The following SRD5A2 variants were observed in gnomAD, a reference collection of about 807,000 sequenced individuals.
SRD5A2 encodes the protein steroid 5 alpha-reductase 2.
A neutral mutation model predicts 27.4 loss-of-function variants in SRD5A2; 30 were observed. The observed-to-expected ratio is 1.10, with a 90% CI of 0.82 to 1.49. SRD5A2 has a LOEUF of 1.49. SRD5A2 is among the 40% of genes most tolerant of loss of function. SRD5A2 has a pLI of 0.00. For missense variants in SRD5A2, 348 were observed against 323.4 expected (o/e 1.08, Z -0.58); for synonymous variants, 141 against 133.6 (o/e 1.06, Z -0.38).
chr2:31,560,554 C>T (rs148678260), intron 1 of SRD5A2, among the ~76,000 whole-genome samples: 4 of 152,326 alleles, frequency 2.6e-5, no homozygotes, highest in African/African-American at 9.6e-5. Context: ...CAATGCTTTG[C>T]CCAATATAGG....
At chr2:31,650,747 G>A in the SRD5A2 span, among the ~76,000 whole-genome samples, 8 of 152,170 alleles carry the variant, frequency 5.3e-5, no homozygotes, top group African/African-American at 1.9e-4. Context: ...CAAGATGGAA[G>A]CCTCAAAGAA....
intron 1 of SRD5A2, among the ~76,000 whole-genome samples, chr2:31,549,199 G>A (rs534862131): frequency 3.4e-4 from 51 of 150,994 alleles, no homozygotes; most frequent in African/African-American, 1.1e-3. Flanking sequence ...TGCAACCGCC[G>A]CCTCCCAGGT....
At chr2:31,629,184 A>T in the SRD5A2 span, among the ~76,000 whole-genome samples, 28 of 152,262 alleles carry the variant, frequency 1.8e-4, 1 homozygote, top group East Asian at 3.1e-3. Flanking sequence ...AACACTAGTC[A>T]CTGGGTTCCA....
At chr2:31,652,724 T>C in the SRD5A2 span, among the ~76,000 whole-genome samples, 31 of 152,226 alleles carry the variant, frequency 2.0e-4, no homozygotes, top group South Asian at 5.8e-3. Flanking sequence ...GGAGAATACA[T>C]CCAGAAGTGC....
chr2:31,556,425 A>G (rs1391297452), intron 1 of SRD5A2, among the ~76,000 whole-genome samples: 1 of 152,214 alleles, frequency 6.6e-6, no homozygotes, highest in Non-Finnish European at 1.5e-5. Context: ...AAAAGTGAAT[A>G]TTATCTTCTA....
At chr2:31,633,886 T>C in the SRD5A2 span, among the ~76,000 whole-genome samples, 2 of 152,166 alleles carry the variant, frequency 1.3e-5, no homozygotes, top group Non-Finnish European at 2.9e-5. Context: ...GAGAGCTCAC[T>C]AAAATGTTAA....
the SRD5A2 span, among the ~76,000 whole-genome samples, chr2:31,642,490 TC>T: frequency 6.6e-6 from 1 of 151,978 alleles, no homozygotes; most frequent in Non-Finnish European, 1.5e-5. Flanking sequence ...AAAAAAGTTA[TC>T]AATATCATTA....
intron 1 of SRD5A2, among the ~76,000 whole-genome samples, chr2:31,543,668 A>T (rs1023682207): frequency 2.0e-5 from 3 of 152,166 alleles, no homozygotes; most frequent in Non-Finnish European, 2.9e-5. Flanking sequence ...GTTTTATGTT[A>T]TTGAAATTAA....
At chr2:31,539,473 G>T (rs950722075) in intron 1 of SRD5A2, among the ~76,000 whole-genome samples, 3 of 152,188 alleles carry the variant, frequency 2.0e-5, no homozygotes, top group Non-Finnish European at 4.4e-5. Flanking sequence ...GCAGAAGCCT[G>T]TGCTTCCCCC....
chr2:31,629,376 A>T, the SRD5A2 span, among the ~76,000 whole-genome samples: 1 of 152,206 alleles, frequency 6.6e-6, no homozygotes. Flanking sequence ...CCACCCGGTA[A>T]CATTTTGGCG....
intron 1 of SRD5A2, among the ~76,000 whole-genome samples, chr2:31,566,557 T>C (rs1256818603): frequency 1.9e-4 from 29 of 152,200 alleles, no homozygotes; most frequent in Admixed American, 1.9e-3. Flanking sequence ...GATAATAGTT[T>C]GGACTTTGCC....
intron 1 of SRD5A2, among the ~76,000 whole-genome samples, chr2:31,550,796 GT>G (rs1666367346): frequency 6.6e-6 from 1 of 151,904 alleles, no homozygotes; most frequent in Non-Finnish European, 1.5e-5. Context: ...GTAACTGAAT[GT>G]TTTTTCCTTA....
the SRD5A2 span, among the ~76,000 whole-genome samples, chr2:31,598,157 A>G: frequency 6.6e-6 from 1 of 152,140 alleles, no homozygotes; most frequent in Non-Finnish European, 1.5e-5. Flanking sequence ...AGCAACCTGG[A>G]TGTAGTTGGA....
chr2:31,658,262 C>T, the SRD5A2 span, among the ~76,000 whole-genome samples: 3 of 152,024 alleles, frequency 2.0e-5, no homozygotes, highest in Admixed American at 6.6e-5. Context: ...TAAACACTCA[C>T]ATCAAAAACT....
chr2:31,604,635 A>T, the SRD5A2 span, among the ~76,000 whole-genome samples: 1 of 151,794 alleles, frequency 6.6e-6, no homozygotes, highest in Non-Finnish European at 1.5e-5. Context: ...ACCACAAAAC[A>T]TTGATGAAAG....
In SRD5A2 at chr2:31,525,056, A is replaced by G. The variant is rs1665744370; in HGVS notation, c.*1140T>C. ...TTTGAAACTTTGTAAAAAAAAAAAA[A>G]ACTATATGTCTGAGCCAAACAAAAC... On this transcript the variant is annotated 3_prime_UTR_variant, in exon 5 of 5. Coordinates refer to ENST00000622030, the MANE Select transcript of SRD5A2 (RefSeq NM_000348.4). 4.6e-6 allele frequency: 1 copy of G among 217,596 alleles called. No individual in the cohort carries two copies. The allele number at this position is 217,596 out of a possible 1,614,324, so 13.5% of individuals were successfully genotyped here.
chr2:31,583,606 C>A (rs1667117850), upstream of SRD5A2, among the ~76,000 whole-genome samples: 1 of 120,460 alleles, frequency 8.3e-6, no homozygotes, highest in Non-Finnish European at 1.7e-5. Flanking sequence ...CTTACATCCT[C>A]CTTCCAGGAA....
the SRD5A2 span, among the ~76,000 whole-genome samples, chr2:31,657,810 C>T: frequency 6.6e-6 from 1 of 152,080 alleles, no homozygotes; most frequent in African/African-American, 2.4e-5. Context: ...CTACCAACAG[C>T]CTCTGCCACA....
At chr2:31,599,992 A>T in the SRD5A2 span, among the ~76,000 whole-genome samples, 3 of 151,326 alleles carry the variant, frequency 2.0e-5, no homozygotes, top group African/African-American at 7.3e-5. Flanking sequence ...CCCATCCTAC[A>T]CCTCAGGTAG....
Sources: allele counts gnomAD v4.1 joint callset (sites outside exome capture counted in the v4.1 genomes callset), GRCh38; gene constraint gnomAD v4.1.1; transcripts MANE v1.5; gene names NCBI Gene and HGNC (gene_info 2026-07-23, HGNC 2026-07-21).